The following ATP8A2 variants were observed in gnomAD, a reference collection of about 807,000 sequenced individuals.
The protein encoded by ATP8A2 is ATPase phospholipid transporting 8A2.
Under a neutral mutation model 165.6 loss-of-function variants are expected in ATP8A2, and 100 were observed. That is an observed-to-expected ratio of 0.60 (90% confidence interval 0.51 to 0.71). ATP8A2 has a LOEUF of 0.71. ATP8A2 is among the 30% of genes least tolerant of loss of function. The probability of loss-of-function intolerance (pLI) is 0.00; values close to 1 mark genes in which losing one functional copy is unlikely to be tolerated. For synonymous variants in ATP8A2, 543 were observed against 548.8 expected (o/e 0.99, Z 0.15); for missense variants, 1,227 against 1,479.5 (o/e 0.83, Z 2.80).
chr13:25,501,762 G>A (rs751849950), intron 2 of ATP8A2, among the ~76,000 whole-genome samples: 2 of 152,204 alleles, frequency 1.3e-5, no homozygotes, highest in Non-Finnish European at 2.9e-5. Context: ...GCTGAAGGGC[G>A]AGGTAATTTT....
intron 33 of ATP8A2, among the ~76,000 whole-genome samples, chr13:25,921,537 T>A (rs546557575): frequency 6.6e-5 from 10 of 150,668 alleles, no homozygotes; most frequent in African/African-American, 2.4e-4. Flanking sequence ...GCAGGAAAAT[T>A]GCTTGAACCT....
intron 34 of ATP8A2, 113 bp downstream of exon 34, chr13:25,961,776 G>T: frequency 1.2e-6 from 1 of 814,502 alleles, no homozygotes; most frequent in Non-Finnish European, 2.0e-6. Flanking sequence ...GGAAGAAATG[G>T]GTCTCCTGCC....
chr13:25,730,016 C>T (rs1171575099), intron 25 of ATP8A2, among the ~76,000 whole-genome samples: 3 of 152,084 alleles, frequency 2.0e-5, no homozygotes, highest in Non-Finnish European at 2.9e-5. Context: ...AGCAGCCTGG[C>T]GCAGTTGTGC....
At position 25,372,864 on chromosome 13, in the gene ATP8A2, C is replaced by T. The variant is rs1355520705; in HGVS notation, c.76+576C>T. Among the ~76,000 whole-genome samples, 2 of 152,140 alleles carry T rather than the reference C, an allele frequency of 1.3e-5. No homozygotes were observed. The highest frequency in any genetic ancestry group is 2.4e-5 in the African/African-American group (1 of 41,440). ...ATACAACCATCTGGAGACGAACACA[C>T]ACACGCACACGCGCGCGCACACACA... On this transcript the variant is annotated intron_variant, in intron 1 of 36. Transcript: ENST00000381655. This position sits in a 1 kb window ranked among gnomAD's most constrained non-coding sequence, Gnocchi z 4.8.
At chr13:26,017,144 G>A (rs183006352) in intron 36 of ATP8A2, among the ~76,000 whole-genome samples, 1 of 152,192 alleles carries the variant, frequency 6.6e-6, no homozygotes, top group East Asian at 1.9e-4. Context: ...TTATAAAAGA[G>A]TATGTCCCAT....
At chr13:25,847,864 G>A (rs895232905) in intron 30 of ATP8A2, among the ~76,000 whole-genome samples, 3 of 152,036 alleles carry the variant, frequency 2.0e-5, no homozygotes, top group Admixed American at 6.6e-5. Flanking sequence ...CACACCCCCA[G>A]CCACCTCCTT....
intron 24 of ATP8A2, among the ~76,000 whole-genome samples, chr13:25,613,675 C>T (rs1410391604): frequency 6.6e-6 from 1 of 152,200 alleles, no homozygotes; most frequent in Non-Finnish European, 1.5e-5. Context: ...CTGAAAAAGA[C>T]TATCTTTCCT....
At chr13:25,814,081 A>T (rs1398040040) in intron 27 of ATP8A2, among the ~76,000 whole-genome samples, 1 of 119,236 alleles carries the variant, frequency 8.4e-6, no homozygotes, top group African/African-American at 3.3e-5. Context: ...GAATCTCTTC[A>T]TGTGCTCACA....
At chr13:25,978,716 C>T (rs1049605779) in intron 35 of ATP8A2, among the ~76,000 whole-genome samples, 4 of 151,812 alleles carry the variant, frequency 2.6e-5, no homozygotes, top group African/African-American at 7.3e-5. Flanking sequence ...CTGAGGCGGG[C>T]GGATCACGAG....
intron 24 of ATP8A2, among the ~76,000 whole-genome samples, chr13:25,594,612 T>G (rs1264675885): frequency 6.6e-6 from 1 of 152,170 alleles, no homozygotes; most frequent in Non-Finnish European, 1.5e-5. Context: ...CGTGTCATTC[T>G]TATGCCTTTG....
rs761331228 is a variant in ATP8A2 at position 25,541,928 on chromosome 13, C to G, written c.661C>G (p.His221Asp). 3 of 1,613,986 alleles carry G rather than the reference C, an allele frequency of 1.9e-6. No individual in the cohort carries two copies. The South Asian group carries it at 3.3e-5, about 18-fold the overall frequency. The change falls in exon 9 of 37, where the codon CAC (histidine) becomes GAC (aspartate). Residue 221 changes from histidine to aspartate, a missense_variant. This residue lies in a region of ATP8A2 where 356 missense variants were observed against 394.9 expected (regional missense o/e 0.90). Coordinates refer to ENST00000381655, the MANE Select transcript of ATP8A2 (RefSeq NM_016529.6). ...TGGTTTAATCTTTTAGGGTTTGAGTCACACTGCTGACATGCAAACACGTGA... is the reference window on the plus strand; with the variant it reads ...TGGTTTAATCTTTTAGGGTTTGAGTGACACTGCTGACATGCAAACACGTGA... ...TNLKIRQGLS[H>D]TADMQTREVL...
chr13:25,828,027 C>G, intron 27 of ATP8A2, 91 bp from the exon 28 acceptor site: 1 of 969,038 alleles, frequency 1.0e-6, no homozygotes, highest in Non-Finnish European at 1.7e-6. Context: ...CTGTGTCCAG[C>G]TGGTGGTCCA....
intron 33 of ATP8A2, among the ~76,000 whole-genome samples, chr13:25,867,757 C>T (rs991413773): frequency 6.6e-5 from 10 of 152,142 alleles, no homozygotes; most frequent in African/African-American, 2.4e-4. Flanking sequence ...GCTCCTAAAA[C>T]AAATCCATGA....
Position 25,554,976 on chromosome 13 carries a change from T to TTC in ATP8A2, c.1186-4_1186-3dup. The TTC allele has an allele frequency of 4.6e-6, 7 of 1,530,228 alleles. No homozygotes were observed. Among genetic ancestry groups the TTC allele is most frequent in the South Asian group, 1.2e-5 (1 of 86,756 alleles). The allele number at this position is 1,530,228 out of a possible 1,614,324, so 94.8% of individuals were successfully genotyped here. A position where few individuals can be genotyped will look rare whatever the true frequency, so the allele number is the denominator to read the frequency against. ...ATATTTTCTGAAATCCTGTCTCTTG[T>TTC]TCTCTCTCTCTCAGGACACAGATAT... On this transcript the variant is annotated splice_polypyrimidine_tract_variant and intron_variant, in intron 12 of 36. Coordinates refer to ENST00000381655, the MANE Select transcript of ATP8A2 (RefSeq NM_016529.6).
intron 25 of ATP8A2, among the ~76,000 whole-genome samples, chr13:25,728,701 G>T (rs1467273865): frequency 6.6e-6 from 1 of 151,406 alleles, no homozygotes; most frequent in African/African-American, 2.4e-5. Context: ...GGAGCACCGT[G>T]TCCCAGGTCA....
At chr13:25,502,139 T>C (rs2036872689) in intron 2 of ATP8A2, among the ~76,000 whole-genome samples, 1 of 152,174 alleles carries the variant, frequency 6.6e-6, no homozygotes, top group South Asian at 2.1e-4. Flanking sequence ...AATTCTCAAA[T>C]GCTGGCTATG....
chr13:25,451,311 G>C (rs2035218460), intron 1 of ATP8A2, among the ~76,000 whole-genome samples: 1 of 150,762 alleles, frequency 6.6e-6, no homozygotes, highest in African/African-American at 2.4e-5. Flanking sequence ...GTTTTTGTTT[G>C]AGTTCCCCTC....
intron 33 of ATP8A2, among the ~76,000 whole-genome samples, chr13:25,877,756 T>C (rs1256044464): frequency 6.6e-6 from 1 of 152,260 alleles, no homozygotes; most frequent in East Asian, 1.9e-4. Context: ...AGCTGTTTAC[T>C]GCCAAAATCA....
At chr13:25,805,002 C>T (rs2138479157) in intron 27 of ATP8A2, among the ~76,000 whole-genome samples, 1 of 152,280 alleles carries the variant, frequency 6.6e-6, no homozygotes, top group Admixed American at 6.5e-5. Flanking sequence ...AACTCACTGA[C>T]ATTAAACATT....
Sources: gnomAD v4.1 joint callset for allele counts (sites outside exome capture counted in the v4.1 genomes callset) on GRCh38, gnomAD v4.1.1 for gene constraint, gnomAD v4.1.1 regional missense constraint, Gnocchi (gnomAD v3.1) non-coding constraint, MANE v1.5 for transcripts, NCBI Gene and HGNC (gene_info 2026-07-23, HGNC 2026-07-21) for gene names.